Variants in CDH12 observed in about 807,000 individuals in gnomAD.
CDH12 encodes the protein cadherin-12.
A neutral mutation model predicts 74.1 loss-of-function variants in CDH12; 41 were observed. The observed-to-expected ratio is 0.55, with a 90% CI of 0.43 to 0.72. The LOEUF (loss-of-function observed/expected upper bound fraction) is 0.72, where lower values mean the gene tolerates loss of function less well. CDH12 is among the 30% of genes least tolerant of loss of function. The pLI is 0.00. For synonymous variants in CDH12, 399 were observed against 355.0 expected (o/e 1.12, Z -1.39); for missense variants, 945 against 977.2 (o/e 0.97, Z 0.44).
At position 22,345,911 on chromosome 5, in the gene CDH12, C is replaced by G. The variant is rs185964098; in HGVS notation, c.-333+59346G>C. On this transcript the variant is annotated intron_variant, in intron 3 of 14. Coordinates refer to ENST00000382254, the MANE Select transcript of CDH12 (RefSeq NM_004061.5). The stretch of plus-strand genomic sequence containing the variant: ...CTGAGGTCAGGAGTTCGAGACCAGC[C>G]TGGCAAACGTAGTGAAATCCTGTCT... 5.9e-5 allele frequency among the ~76,000 whole-genome samples: 9 copies of G among 152,102 alleles called. No individual in the cohort carries two copies. The East Asian group carries it at 1.7e-3, about 30-fold the overall frequency.
intron 3 of CDH12, among the ~76,000 whole-genome samples, chr5:22,232,632 A>G (rs1580429934): frequency 6.6e-6 from 1 of 151,688 alleles, no homozygotes; most frequent in East Asian, 1.9e-4. Context: ...AGATTATTTT[A>G]ATTTCCAGAA....
intron 4 of CDH12, among the ~76,000 whole-genome samples, chr5:22,149,073 G>A (rs1253372251): frequency 2.6e-5 from 4 of 152,234 alleles, no homozygotes; most frequent in South Asian, 4.1e-4. Flanking sequence ...AGCCAAGATC[G>A]TGTCACTGCA....
intron 1 of CDH12, among the ~76,000 whole-genome samples, chr5:22,825,179 A>T (rs1380718304): frequency 1.3e-5 from 2 of 152,108 alleles, no homozygotes; most frequent in Non-Finnish European, 1.5e-5. Flanking sequence ...CTGATAATAT[A>T]GCAAGAAACA....
intron 1 of CDH12, among the ~76,000 whole-genome samples, chr5:22,814,193 A>C (rs1749282396): frequency 6.6e-6 from 1 of 152,150 alleles, no homozygotes; most frequent in South Asian, 2.1e-4. Context: ...AAATATTATA[A>C]ATGCTTGGCC....
chr5:22,787,033 A>C (rs1339579713), intron 1 of CDH12, among the ~76,000 whole-genome samples: 2 of 151,968 alleles, frequency 1.3e-5, no homozygotes, highest in African/African-American at 4.8e-5. Flanking sequence ...ACTGTGAGCT[A>C]TATTTTATTA....
At chr5:21,858,338 A>T (rs567228668) in intron 6 of CDH12, among the ~76,000 whole-genome samples, 1 of 152,064 alleles carries the variant, frequency 6.6e-6, no homozygotes, top group South Asian at 2.1e-4. Context: ...ATCATAATAA[A>T]ACTCTGATAG....
chr5:21,868,360 A>G (rs535097257), intron 6 of CDH12, among the ~76,000 whole-genome samples: 26 of 152,280 alleles, frequency 1.7e-4, no homozygotes, highest in African/African-American at 6.3e-4. Flanking sequence ...AGCATAGTGG[A>G]TCCCTGAGAG....
At chr5:21,832,243 CTAAG>C (rs1749063062) in intron 8 of CDH12, among the ~76,000 whole-genome samples, 1 of 152,066 alleles carries the variant, frequency 6.6e-6, no homozygotes, top group Admixed American at 6.6e-5. Context: ...GTGAACAGAA[CTAAG>C]TAAGTCAACA....
At chr5:21,820,401 G>T (rs1022684675) in intron 8 of CDH12, among the ~76,000 whole-genome samples, 2 of 151,900 alleles carry the variant, frequency 1.3e-5, no homozygotes, top group Non-Finnish European at 2.9e-5. Context: ...AATAATGATT[G>T]ATTTACTAGC....
At chr5:22,012,880 G>T (rs1200941056) in intron 5 of CDH12, among the ~76,000 whole-genome samples, 1 of 142,608 alleles carries the variant, frequency 7.0e-6, no homozygotes, top group Non-Finnish European at 1.5e-5. Flanking sequence ...TTGGTTTTAA[G>T]TTATTTAAAC....
At chr5:22,326,525 G>A (rs181737871) in intron 3 of CDH12, among the ~76,000 whole-genome samples, 5 of 152,170 alleles carry the variant, frequency 3.3e-5, no homozygotes, top group South Asian at 2.1e-4. Context: ...GTGAGCCACC[G>A]CGCCCGGCCT....
At chr5:22,690,260 ATCT>A (rs1186321675) in intron 1 of CDH12, among the ~76,000 whole-genome samples, 1 of 152,116 alleles carries the variant, frequency 6.6e-6, no homozygotes, top group Admixed American at 6.6e-5. Flanking sequence ...TCTAAATTAA[ATCT>A]TCTTCCTGAT....
chr5:22,735,447 G>A (rs749816570), intron 1 of CDH12, among the ~76,000 whole-genome samples: 1 of 151,704 alleles, frequency 6.6e-6, no homozygotes, highest in Non-Finnish European at 1.5e-5. Context: ...TAAATTTATA[G>A]GGAAAATGTG....
chr5:22,154,665 T>C (rs1454211441), intron 4 of CDH12, among the ~76,000 whole-genome samples: 1 of 151,306 alleles, frequency 6.6e-6, no homozygotes, highest in Non-Finnish European at 1.5e-5. Context: ...TATATAATAA[T>C]AATAATATCA....
chr5:22,390,481 C>G (rs935349001), intron 3 of CDH12, among the ~76,000 whole-genome samples: 1 of 151,640 alleles, frequency 6.6e-6, no homozygotes, highest in Non-Finnish European at 1.5e-5. Flanking sequence ...ATTATTAATA[C>G]TTTTTTTATA....
chr5:21,975,311 A>G lies in CDH12; in HGVS notation c.306T>C (p.Phe102=), dbSNP rs749120129. ...TGTCCCCTGTGGTTTCATCAATGGT[A>G]AAAACGGTGCCAGCGCCATCTCCTG... ...TLSGDGAGTV[F]TIDETTGDIH... The change falls in exon 6 of 15, where the codon TTT becomes TTC. Residue 102 remains phenylalanine, a synonymous_variant. Coordinates refer to ENST00000382254, the MANE Select transcript of CDH12 (RefSeq NM_004061.5). 3.8e-6 allele frequency: 6 copies of G among 1,597,166 alleles called. No individual in the cohort carries two copies. The highest frequency in any genetic ancestry group is 1.3e-5 in the African/African-American group (1 of 74,936).
chr5:22,360,182 A>G (rs1740738308), intron 3 of CDH12, among the ~76,000 whole-genome samples: 1 of 152,188 alleles, frequency 6.6e-6, no homozygotes. Context: ...ATAGACCACT[A>G]GCAAGACTAA....
intron 8 of CDH12, among the ~76,000 whole-genome samples, chr5:21,821,372 G>A (rs1288866257): frequency 1.3e-5 from 2 of 151,258 alleles, no homozygotes; most frequent in South Asian, 2.1e-4. Flanking sequence ...AAGATTATAG[G>A]ACCTGAACAA....
chr5:22,407,706 A>C (rs1053313103), intron 2 of CDH12, among the ~76,000 whole-genome samples: 8 of 152,120 alleles, frequency 5.3e-5, no homozygotes, highest in African/African-American at 1.9e-4. Flanking sequence ...ACACCTAAGC[A>C]GTGCAAAAAC....
Sources: gnomAD v4.1 joint callset for allele counts (sites outside exome capture counted in the v4.1 genomes callset) on GRCh38, gnomAD v4.1.1 for gene constraint, MANE v1.5 for transcripts, NCBI Gene and HGNC (gene_info 2026-07-23, HGNC 2026-07-21) for gene names.